The following FOXP1 variants were observed in gnomAD, a reference collection of about 807,000 sequenced individuals.
FOXP1 encodes the protein forkhead box protein P1.
In FOXP1, 15 loss-of-function variants were observed where a neutral mutation model predicts 98.2. The ratio of observed to expected loss-of-function variants is 0.15; its 90% CI spans 0.10 to 0.24. FOXP1 has a LOEUF of 0.24. Ranked by LOEUF, FOXP1 falls within the 10% of genes least tolerant of loss-of-function variation. The probability of loss-of-function intolerance (pLI) is 1.00; values close to 1 mark genes in which losing one functional copy is unlikely to be tolerated. For synonymous variants in FOXP1, 371 were observed against 314.5 expected (o/e 1.18, Z -1.90); for missense variants, 633 against 848.5 (o/e 0.75, Z 3.15).
At chr3:71,163,234 G>A (rs528190526) in intron 6 of FOXP1, among the ~76,000 whole-genome samples, 1 of 152,150 alleles carries the variant, frequency 6.6e-6, no homozygotes, top group Non-Finnish European at 1.5e-5. Context: ...GAAAAATTGA[G>A]GTGCCAATGA....
At chr3:71,567,148 C>T (rs576014048) in intron 2 of FOXP1, among the ~76,000 whole-genome samples, 1 of 152,264 alleles carries the variant, frequency 6.6e-6, no homozygotes, top group African/African-American at 2.4e-5. Context: ...CCATTTCCAT[C>T]ATCAAACATT....
At chr3:71,247,963 C>G (rs964739090) in intron 5 of FOXP1, among the ~76,000 whole-genome samples, 1 of 152,174 alleles carries the variant, frequency 6.6e-6, no homozygotes, top group Non-Finnish European at 1.5e-5. Flanking sequence ...ATGCATGAAT[C>G]GGGCTTGCCT....
intron 5 of FOXP1, among the ~76,000 whole-genome samples, chr3:71,262,977 A>G (rs919352655): frequency 6.6e-6 from 1 of 152,144 alleles, no homozygotes; most frequent in African/African-American, 2.4e-5. Context: ...TTTGAAAGCA[A>G]AAGTAAAACA....
chr3:71,365,542 A>C lies in FOXP1; in HGVS notation c.-167-6298T>G, dbSNP rs796636591. ...TGTAGGTAACAGTCACCTTAAAGTG[A>C]CTTTATGTTGGACCTTTTTTAAAAA... On this transcript the variant is annotated intron_variant, in intron 3 of 20. Transcript: ENST00000649528. Among the ~76,000 whole-genome samples, 34 of 152,202 alleles carry C rather than the reference A, an allele frequency of 2.2e-4. 1 individual carries two copies. The highest frequency in any genetic ancestry group is 6.3e-4 in the African/African-American group (26 of 41,526).
At chr3:70,994,546 A>C (rs1308395017) in intron 13 of FOXP1, among the ~76,000 whole-genome samples, 1 of 152,090 alleles carries the variant, frequency 6.6e-6, no homozygotes, top group Non-Finnish European at 1.5e-5. Flanking sequence ...TTGCTTTTAG[A>C]AACTCTGCCT....
At chr3:71,330,279 T>C (rs994229144) in intron 4 of FOXP1, among the ~76,000 whole-genome samples, 1 of 152,220 alleles carries the variant, frequency 6.6e-6, no homozygotes, top group African/African-American at 2.4e-5. Flanking sequence ...TCCCACATTT[T>C]TAAGAGCATT....
chr3:71,217,619 G>T (rs1285064505), intron 5 of FOXP1, among the ~76,000 whole-genome samples: 1 of 152,058 alleles, frequency 6.6e-6, no homozygotes, highest in African/African-American at 2.4e-5. Flanking sequence ...AGAGAGAGAT[G>T]GGCTGGGGCA....
intron 4 of FOXP1, chr3:71,333,640 T>G (rs1296716916): frequency 1.3e-5 from 2 of 152,006 alleles, no homozygotes; most frequent in African/African-American, 2.4e-5. Flanking sequence ...CAGGGCAAGA[T>G]GGCGAGACGC....
intron 3 of FOXP1, among the ~76,000 whole-genome samples, chr3:71,386,077 C>A (rs191522704): frequency 9.3e-4 from 142 of 152,308 alleles, no homozygotes; most frequent in African/African-American, 3.3e-3. Flanking sequence ...GTCTTTCACA[C>A]CAAGTACCGC....
intron 12 of FOXP1, among the ~76,000 whole-genome samples, chr3:71,013,550 GT>G (rs1328331511): frequency 1.3e-5 from 2 of 152,122 alleles, no homozygotes; most frequent in Non-Finnish European, 2.9e-5. Flanking sequence ...GGAAGAATCA[GT>G]ATCGTGAAAA....
At chr3:71,205,310 T>C (rs1417121096) in intron 5 of FOXP1, among the ~76,000 whole-genome samples, 1 of 152,178 alleles carries the variant, frequency 6.6e-6, no homozygotes, top group Non-Finnish European at 1.5e-5. Flanking sequence ...CTGAACATTA[T>C]CCATCATAAA....
intron 13 of FOXP1, among the ~76,000 whole-genome samples, chr3:70,989,283 C>T (rs2040239068): frequency 6.7e-6 from 1 of 149,940 alleles, no homozygotes; most frequent in African/African-American, 2.5e-5. Flanking sequence ...GACTCAGTCT[C>T]CAGCCATATC....
At chr3:71,000,046 C>T (rs528015059) in intron 13 of FOXP1, among the ~76,000 whole-genome samples, 1 of 152,090 alleles carries the variant, frequency 6.6e-6, no homozygotes, top group Non-Finnish European at 1.5e-5. Flanking sequence ...CAGGCTGTTG[C>T]AATTGTACAT....
At chr3:71,570,397 A>G (rs1476102016) in intron 2 of FOXP1, 1 of 152,076 alleles carries the variant, frequency 6.6e-6, no homozygotes, top group African/African-American at 2.4e-5. Context: ...AGGGTGAAGG[A>G]TACTTGGACA....
chr3:71,355,426 C>T (rs2078088143), intron 4 of FOXP1, among the ~76,000 whole-genome samples: 1 of 152,168 alleles, frequency 6.6e-6, no homozygotes, highest in Admixed American at 6.5e-5. Context: ...GGGCTGTCCC[C>T]TTTCACGTAG....
chr3:71,233,324 C>T (rs962361398), intron 5 of FOXP1, among the ~76,000 whole-genome samples: 5 of 151,812 alleles, frequency 3.3e-5, no homozygotes, highest in African/African-American at 1.2e-4. Context: ...GTCTATGGTC[C>T]AACTCATAAA....
At chr3:71,540,617 G>A (rs1459499316) in intron 2 of FOXP1, among the ~76,000 whole-genome samples, 6 of 152,154 alleles carry the variant, frequency 3.9e-5, no homozygotes, top group Admixed American at 3.9e-4. Flanking sequence ...CAACCTTAAG[G>A]CAAGTATTAT....
At chr3:71,246,249 C>T (rs1485791509) in intron 5 of FOXP1, among the ~76,000 whole-genome samples, 3 of 152,188 alleles carry the variant, frequency 2.0e-5, no homozygotes, top group Non-Finnish European at 4.4e-5. Context: ...CGGTAGCGGC[C>T]AGCCCTCGGT....
intron 5 of FOXP1, among the ~76,000 whole-genome samples, chr3:71,291,646 T>C (rs1251461696): frequency 6.6e-6 from 1 of 151,946 alleles, no homozygotes; most frequent in African/African-American, 2.4e-5. Context: ...TGCATACACA[T>C]AAAATCCTTA....
Sources: allele counts gnomAD v4.1 joint callset (sites outside exome capture counted in the v4.1 genomes callset), GRCh38; gene constraint gnomAD v4.1.1; transcripts MANE v1.5; gene names NCBI Gene and HGNC (gene_info 2026-07-23, HGNC 2026-07-21).